HMGB1: variants seen among roughly 807,000 people sequenced by gnomAD.
HMGB1 encodes the protein high mobility group box 1.
For missense variants in HMGB1, 79 were observed against 253.5 expected (o/e 0.31, Z 4.67); for synonymous variants, 81 against 84.0 (o/e 0.96, Z 0.19).
intron 1 of HMGB1, chr13:30,539,623 C>A: frequency 3.4e-6 from 1 of 294,282 alleles, no homozygotes. Context: ...GCATGAGCTC[C>A]CATCCTCTGA....
chr13:30,515,464 T>C (rs1218376040), intron 1 of HMGB1, among the ~76,000 whole-genome samples: 1 of 152,222 alleles, frequency 6.6e-6, no homozygotes, highest in Non-Finnish European at 1.5e-5. Flanking sequence ...CTAATAGTAC[T>C]TCTCTTCAGT....
rs1178807833 is a variant in HMGB1 at position 30,459,751 on chromosome 13, A to C, written c.*1606T>G. 1 of 152,164 alleles carries C rather than the reference A, an allele frequency of 6.6e-6. No individual in the cohort carries two copies. The highest frequency in any genetic ancestry group is 1.5e-5 in the Non-Finnish European group (1 of 68,000). The allele number at this position is 152,164 out of a possible 1,614,324, so 9.4% of individuals were successfully genotyped here. A position where few individuals can be genotyped will look rare whatever the true frequency, so the allele number is the denominator to read the frequency against. On this transcript the variant is annotated 3_prime_UTR_variant, in exon 5 of 5. Coordinates refer to ENST00000341423, the MANE Select transcript of HMGB1 (RefSeq NM_002128.7). ...AGGGAAAAACTTTGCCATCCCTTAT[A>C]CTTATTTAAAAGGTACTGCTAAGAG...
chr13:30,486,056 G>A (rs1180648767), intron 1 of HMGB1, among the ~76,000 whole-genome samples: 1 of 152,130 alleles, frequency 6.6e-6, no homozygotes, highest in Non-Finnish European at 1.5e-5. Context: ...GATGATAGAG[G>A]CCCAAGATAG....
chr13:30,584,317 C>T (rs1871048783), intron 1 of HMGB1, among the ~76,000 whole-genome samples: 1 of 152,158 alleles, frequency 6.6e-6, no homozygotes, highest in African/African-American at 2.4e-5. Context: ...TTTTCTCTGA[C>T]TTGAATCTCC....
At position 30,612,200 on chromosome 13, in the gene HMGB1, CAT is replaced by C. The variant is rs1950519073; in HGVS notation, c.-15+4469_-15+4470del. On this transcript the variant is annotated intron_variant, in intron 1 of 4. Coordinates refer to the HMGB1 transcript ENST00000405805. ...ACATACATGTATATATACATATACA[CAT>C]ACACATATATACATACGCACACATA... Among the ~76,000 whole-genome samples, 5 of 152,162 alleles carry C rather than the reference CAT, an allele frequency of 3.3e-5. No individual in the cohort carries two copies. The South Asian group carries it at 1.0e-3, about 32-fold the overall frequency.
intron 1 of HMGB1, among the ~76,000 whole-genome samples, chr13:30,579,074 A>G (rs1870787926): frequency 6.6e-6 from 1 of 152,252 alleles, no homozygotes; most frequent in Admixed American, 6.5e-5. Flanking sequence ...GGACGGAATC[A>G]TTCTCATCTT....
chr13:30,591,416 G>GA (rs1871364885), intron 1 of HMGB1, among the ~76,000 whole-genome samples: 1 of 151,784 alleles, frequency 6.6e-6, no homozygotes, highest in Non-Finnish European at 1.5e-5. Flanking sequence ...ATATAAAAAA[G>GA]AAACACCTGG....
At chr13:30,517,361 G>C (rs1888123863) in intron 1 of HMGB1, among the ~76,000 whole-genome samples, 1 of 152,220 alleles carries the variant, frequency 6.6e-6, no homozygotes, top group South Asian at 2.1e-4. Context: ...AGCTGTCTGG[G>C]AAAAGCTGCA....
At chr13:30,537,342 C>A (rs911101396) in intron 1 of HMGB1, among the ~76,000 whole-genome samples, 1 of 151,880 alleles carries the variant, frequency 6.6e-6, no homozygotes, top group Non-Finnish European at 1.5e-5. Context: ...GTTGTTTTTA[C>A]TGAAGTATAA....
In HMGB1 at chr13:30,456,760, C is replaced by CGGGGGGA. The variant is rs1555231085; in HGVS notation, c.*4596_*4597insTCCCCCC. On this transcript the variant is annotated 3_prime_UTR_variant, in exon 5 of 5. Coordinates refer to ENST00000341423, the MANE Select transcript of HMGB1 (RefSeq NM_002128.7). ...CAGCATAAATAACAGCTTTTGTGGG[C>CGGGGGGA]GGGGGGGGGGGGTGGTGGGGTGCAA... The CGGGGGGA allele has an allele frequency of 7.4e-5, 1 of 13,544 alleles. No homozygotes were observed. The highest frequency in any genetic ancestry group is 1.1e-3 in the East Asian group (1 of 898). 0.8% of individuals were successfully genotyped at this position (13,544 alleles called of 1,614,324 possible). A position where few individuals can be genotyped will look rare whatever the true frequency, so the allele number is the denominator to read the frequency against.
At chr13:30,513,137 C>T (rs1361008205) in intron 1 of HMGB1, among the ~76,000 whole-genome samples, 1 of 152,072 alleles carries the variant, frequency 6.6e-6, no homozygotes, top group Non-Finnish European at 1.5e-5. Context: ...CACTGCACTC[C>T]AGCCTGGGCA....
At chr13:30,538,523 CCTTT>C (rs748751416) in intron 1 of HMGB1, among the ~76,000 whole-genome samples, 12 of 85,256 alleles carry the variant, frequency 1.4e-4, no homozygotes, top group Middle Eastern at 7.9e-3. Context: ...TTCTTTCTTT[CCTTT>C]CTTTCTTTCC....
intron 1 of HMGB1, among the ~76,000 whole-genome samples, chr13:30,537,549 T>A (rs936988006): frequency 1.7e-4 from 26 of 150,578 alleles, no homozygotes; most frequent in East Asian, 5.8e-4. Context: ...GTGTATTTTT[T>A]AAAAAAAATG....
intron 1 of HMGB1, among the ~76,000 whole-genome samples, chr13:30,512,808 G>C (rs886915825): frequency 6.6e-6 from 1 of 152,188 alleles, no homozygotes; most frequent in African/African-American, 2.4e-5. Context: ...TGTGTGGACA[G>C]TCCATGCACC....
chr13:30,470,963 A>T (rs1431210982), intron 1 of HMGB1, among the ~76,000 whole-genome samples: 3 of 143,944 alleles, frequency 2.1e-5, no homozygotes, highest in African/African-American at 7.7e-5. Flanking sequence ...TTATTTATTT[A>T]TTTATTTATA....
intron 1 of HMGB1, chr13:30,464,618 G>A (rs1434715136): frequency 7.2e-5 from 71 of 983,944 alleles, no homozygotes; most frequent in Non-Finnish European, 8.1e-5. Context: ...GCTCGGCGCA[G>A]GGAGAAGCCC....
chr13:30,514,256 A>G (rs1447159355), intron 1 of HMGB1, among the ~76,000 whole-genome samples: 1 of 151,806 alleles, frequency 6.6e-6, no homozygotes, highest in African/African-American at 2.4e-5. Flanking sequence ...TTGAGTTATA[A>G]ACCCCTAGTA....
chr13:30,481,445 A>G (rs1887226451), intron 1 of HMGB1, among the ~76,000 whole-genome samples: 1 of 152,260 alleles, frequency 6.6e-6, no homozygotes, highest in Admixed American at 6.5e-5. Flanking sequence ...TAAACGCTAA[A>G]TGAAGGGTTA....
At chr13:30,500,901 G>C (rs1321447620) in intron 1 of HMGB1, among the ~76,000 whole-genome samples, 1 of 151,966 alleles carries the variant, frequency 6.6e-6, no homozygotes, top group Non-Finnish European at 1.5e-5. Context: ...TAGAACTCCT[G>C]GCCTCAAGTG....
Sources: allele counts gnomAD v4.1 joint callset (sites outside exome capture counted in the v4.1 genomes callset), GRCh38; gene constraint gnomAD v4.1.1; transcripts MANE v1.5; gene names NCBI Gene and HGNC (gene_info 2026-07-23, HGNC 2026-07-21).